Variants in LPIN1 observed in about 807,000 individuals in gnomAD.
The protein encoded by LPIN1 is lipin 1, also known as phosphatidate phosphatase LPIN1.
In LPIN1, 71 loss-of-function variants were observed where a neutral mutation model predicts 107.5. The observed-to-expected ratio is 0.66, with a 90% CI of 0.55 to 0.80. The LOEUF (loss-of-function observed/expected upper bound fraction) is 0.80. Ranked by LOEUF, LPIN1 falls within the 30% of genes least tolerant of loss-of-function variation. LPIN1 has a pLI of 0.00. For synonymous variants in LPIN1, 445 were observed against 452.6 expected (o/e 0.98, Z 0.21); for missense variants, 1,043 against 1,160.6 (o/e 0.90, Z 1.47).
At chr2:11,800,817 C>T (rs1677586932) in intron 14 of LPIN1, among the ~76,000 whole-genome samples, 1 of 152,098 alleles carries the variant, frequency 6.6e-6, no homozygotes, top group Non-Finnish European at 1.5e-5. Flanking sequence ...GATCCTTTCC[C>T]CACTTTTAAA....
Position 11,805,713 on chromosome 2 carries a change from G to C in LPIN1, c.2249+557G>C, listed in dbSNP as rs114830646. Among the ~76,000 whole-genome samples, 555 of 152,326 alleles carry C rather than the reference G, an allele frequency of 3.6e-3. 2 individuals carry two copies. Among genetic ancestry groups the C allele is most frequent in the African/African-American group, 0.013 (523 of 41,578 alleles). On this transcript the variant is annotated intron_variant, in intron 17 of 20. Coordinates refer to ENST00000674199, the MANE Select transcript of LPIN1 (RefSeq NM_001349206.2). ...AGAGGGGTTCTCCGACTGCTCTCCTGTGCTGGGTACATGGGTTACTTCACT... is the reference window on the plus strand; with the variant it reads ...AGAGGGGTTCTCCGACTGCTCTCCTCTGCTGGGTACATGGGTTACTTCACT...
In LPIN1 at chr2:11,713,862, A is replaced by T. The variant is rs12465630; in HGVS notation, c.138+50A>T. The stretch of plus-strand genomic sequence containing the variant: ...CGTTGTTATGCTTTTACATTTTAAG[A>T]TTAGAGAAAATACTCCATGTCCAGC... On this transcript the variant is annotated intron_variant, in intron 2 of 21. Transcript: ENST00000449576. 0.51 allele frequency: 655,134 copies of T among 1,292,316 alleles called. 170,807 individuals are homozygous for T. The highest frequency in any genetic ancestry group is 0.57 in the South Asian group (44,021 of 77,234). 80.1% of individuals were successfully genotyped at this position (1,292,316 alleles called of 1,614,324 possible).
At chr2:11,744,763 T>C (rs1287584734), upstream of LPIN1, among the ~76,000 whole-genome samples, 1 of 151,648 alleles carries the variant, frequency 6.6e-6, no homozygotes, top group East Asian at 2.0e-4. Flanking sequence ...GAGGGGAGGG[T>C]GCAGGAGGGC....
intron 1 of LPIN1, among the ~76,000 whole-genome samples, chr2:11,701,142 C>T (rs574729893): frequency 9.2e-5 from 14 of 152,304 alleles, no homozygotes; most frequent in African/African-American, 2.6e-4. Context: ...TCAACTCTTA[C>T]CTGAGCTCTT....
At chr2:11,730,201 T>A (rs139796901) in intron 1 of LPIN1, among the ~76,000 whole-genome samples, 18 of 152,282 alleles carry the variant, frequency 1.2e-4, no homozygotes, top group African/African-American at 4.3e-4. Context: ...GTGTTTCAGT[T>A]TGGGTAATTT....
At chr2:11,807,739 T>C (rs561534983) in intron 17 of LPIN1, among the ~76,000 whole-genome samples, 4 of 152,234 alleles carry the variant, frequency 2.6e-5, no homozygotes, top group African/African-American at 9.6e-5. Context: ...TGGATATGTG[T>C]GTTGTCCGCG....
chr2:11,678,265 C>CT (rs1259736886), intron 1 of LPIN1, among the ~76,000 whole-genome samples: 6 of 152,180 alleles, frequency 3.9e-5, no homozygotes, highest in African/African-American at 1.2e-4. Context: ...GCAGCCAAGG[C>CT]TTTTTTGCTG....
At chr2:11,741,108 C>T in intron 1 of LPIN1, 1 of 364,070 alleles carries the variant, frequency 2.7e-6, no homozygotes, top group Non-Finnish European at 4.9e-6. Flanking sequence ...ACGGCCTTCA[C>T]AGCAGCACAA....
chr2:11,723,928 T>C (rs1355575602), upstream of LPIN1: 1 of 152,210 alleles, frequency 6.6e-6, no homozygotes, highest in African/African-American at 2.4e-5. Flanking sequence ...CCTTTTTTAT[T>C]CAACAACATT....
chr2:11,806,644 T>C (rs73915576), intron 17 of LPIN1, among the ~76,000 whole-genome samples: 2 of 152,212 alleles, frequency 1.3e-5, no homozygotes, highest in Non-Finnish European at 2.9e-5. Context: ...GGTTTGACTT[T>C]ACTTTTCTAG....
At chr2:11,801,945 A>G (rs1361129195) in intron 14 of LPIN1, among the ~76,000 whole-genome samples, 1 of 149,070 alleles carries the variant, frequency 6.7e-6, no homozygotes, top group Admixed American at 6.7e-5. Flanking sequence ...GAAAGACAGT[A>G]AAAAAAAAAT....
intron 2 of LPIN1, among the ~76,000 whole-genome samples, chr2:11,714,556 A>G (rs1572377073): frequency 6.6e-6 from 1 of 152,028 alleles, no homozygotes. Flanking sequence ...TCGGGCCTTC[A>G]CCCTGCCCTG....
chr2:11,724,588 G>C (rs1021180256), intron 1 of LPIN1: 3 of 985,486 alleles, frequency 3.0e-6, no homozygotes, highest in African/African-American at 3.5e-5. Context: ...AGCTGAGCCA[G>C]GTCCTGACAA....
At chr2:11,711,935 A>G (rs1420261872) in intron 1 of LPIN1, among the ~76,000 whole-genome samples, 1 of 152,172 alleles carries the variant, frequency 6.6e-6, no homozygotes, top group African/African-American at 2.4e-5. Flanking sequence ...CCAAGACTCC[A>G]GTCCCCTTCC....
rs769504834 is a variant in LPIN1, at chr2:11,782,448, C to A, written c.1205C>A (p.Pro402His). Reference protein sequence around the residue: ...PLLPMIEELKPPSASVVQTAN... With the variant: ...PLLPMIEELKHPSASVVQTAN... Reference sequence around the variant, plus strand: ...TTGCCCATGATCGAGGAGCTCAAACCCCCCTCTGCCAGTGTAGTCCAGACA... The same window carrying A: ...TTGCCCATGATCGAGGAGCTCAAACACCCCTCTGCCAGTGTAGTCCAGACA... Residue 402 changes from proline to histidine, a missense_variant, in exon 8 of 21, where the codon CCC becomes CAC. Transcript: ENST00000674199. 17 of 1,614,022 alleles carry A rather than the reference C, an allele frequency of 1.1e-5. No homozygotes were observed. The South Asian group carries it at 1.9e-4, about 18-fold the overall frequency.
chr2:11,771,578 C>G lies in LPIN1; in HGVS notation c.495C>G (p.Asp165Glu), dbSNP rs1454644776. Residue 165 changes from aspartate (D) to glutamate (E), a missense_variant, in exon 4 of 21, where the codon GAC becomes GAG. Physicochemically the swap from Asp to Glu is conservative, Grantham distance 45. Coordinates refer to ENST00000674199, the MANE Select transcript of LPIN1 (RefSeq NM_001349206.2). The surrounding 1 kb of genome is among the most constrained non-coding windows in gnomAD (Gnocchi z 4.8). ...RRKRRRKSQL[D>E]SLKRDDNMNT... Reference sequence around the variant, plus strand: ...AAAGGAGGAGAAAGTCACAGCTGGACAGCCTGAAGAGAGATGACAACATGA... The same window carrying G: ...AAAGGAGGAGAAAGTCACAGCTGGAGAGCCTGAAGAGAGATGACAACATGA... 1 of 1,613,372 alleles carries G rather than the reference C, an allele frequency of 6.2e-7. No individual in the cohort carries two copies. The highest frequency in any genetic ancestry group is 1.3e-5 in the African/African-American group (1 of 74,902).
At chr2:11,678,039 G>T (rs888332310) in intron 1 of LPIN1, among the ~76,000 whole-genome samples, 5 of 152,210 alleles carry the variant, frequency 3.3e-5, no homozygotes, top group Non-Finnish European at 7.3e-5. Flanking sequence ...TCAGAGCTTC[G>T]TGAGTGCCTC....
At chr2:11,804,373 T>C in intron 15 of LPIN1, 50 bp from the exon 16 acceptor site, 1 of 1,608,772 alleles carries the variant, frequency 6.2e-7, no homozygotes, top group Non-Finnish European at 8.5e-7. Flanking sequence ...TGCCCATCAA[T>C]CAGGGCCTTT....
chr2:11,729,534 C>T (rs1199066764), intron 1 of LPIN1, among the ~76,000 whole-genome samples: 1 of 152,188 alleles, frequency 6.6e-6, no homozygotes. Context: ...TGTTCTGGCA[C>T]TTGTGTTGTA....
Sources: allele counts gnomAD v4.1 joint callset (sites outside exome capture counted in the v4.1 genomes callset), GRCh38; gene constraint gnomAD v4.1.1; non-coding constraint Gnocchi (gnomAD v3.1); transcripts MANE v1.5; gene names NCBI Gene and HGNC (gene_info 2026-07-23, HGNC 2026-07-21).